CFTR: variants seen among roughly 807,000 people sequenced by gnomAD.
The protein encoded by CFTR is cystic fibrosis transmembrane conductance regulator.
Under a neutral mutation model 171.6 loss-of-function variants are expected in CFTR, and 181 were observed. The ratio of observed to expected loss-of-function variants is 1.05; its 90% CI spans 0.93 to 1.19. CFTR has a LOEUF of 1.19. CFTR is among the 50% of genes most tolerant of loss of function. The pLI is 0.00. For missense variants in CFTR, 1,968 were observed against 1,734.7 expected, an observed-to-expected ratio of 1.13 and a Z score of -2.39; for synonymous variants, 583 against 608.0, an observed-to-expected ratio of 0.96 and a Z score of 0.60.
At position 117,652,940 on chromosome 7, in the gene CFTR, G is replaced by T; in HGVS notation, c.3963+9G>T. The T allele has an allele frequency of 6.4e-7, 1 of 1,550,690 alleles. No homozygotes were observed. Among genetic ancestry groups the T allele is most frequent in the Non-Finnish European group, 8.9e-7 (1 of 1,123,808 alleles). On this transcript the variant is annotated intron_variant, in intron 24 of 26. Coordinates refer to ENST00000003084, the MANE Select transcript of CFTR (RefSeq NM_000492.4). ...GGAAAGTTGCAGATGAGGTAAGGCT[G>T]CTAACTGAAATGATTTTGAAAGGGG...
chr7:117,624,852 A>G (rs981597543), intron 21 of CFTR, among the ~76,000 whole-genome samples: 3 of 152,120 alleles, frequency 2.0e-5, no homozygotes, highest in African/African-American at 7.2e-5. Flanking sequence ...AATGATCCAT[A>G]TCTGACTTGA....
chr7:117,576,597 A>T (rs1466462993), intron 11 of CFTR, among the ~76,000 whole-genome samples: 1 of 152,062 alleles, frequency 6.6e-6, no homozygotes, highest in African/African-American at 2.4e-5. Context: ...TCTACTTTTG[A>T]AATAACAATA....
chr7:117,594,490 A>G (rs1445983903), intron 14 of CFTR, among the ~76,000 whole-genome samples: 2 of 152,216 alleles, frequency 1.3e-5, no homozygotes, highest in African/African-American at 4.8e-5. Flanking sequence ...ATGAGCTTTC[A>G]GTCTATTGGA....
At chr7:117,598,744 CA>C (rs1792177064) in intron 15 of CFTR, among the ~76,000 whole-genome samples, 1 of 152,186 alleles carries the variant, frequency 6.6e-6, no homozygotes, top group Admixed American at 6.5e-5. Flanking sequence ...TCCGACTACT[CA>C]GGGTGTAAAT....
chr7:117,622,028 A>G (rs1433144789), intron 21 of CFTR, among the ~76,000 whole-genome samples: 2 of 152,198 alleles, frequency 1.3e-5, no homozygotes, highest in African/African-American at 4.8e-5. Flanking sequence ...TGTGAAGATC[A>G]CCATCTCTGT....
chr7:117,484,273 A>T (rs1291059991), intron 1 of CFTR, among the ~76,000 whole-genome samples: 1 of 152,220 alleles, frequency 6.6e-6, no homozygotes, highest in Non-Finnish European at 1.5e-5. Context: ...ATAGATGCAT[A>T]AAACAAAGGC....
chr7:117,495,290 C>A (rs1798220228), intron 1 of CFTR, among the ~76,000 whole-genome samples: 1 of 152,082 alleles, frequency 6.6e-6, no homozygotes, highest in Non-Finnish European at 1.5e-5. Flanking sequence ...AAAATCAAAC[C>A]AAAATCCTGG....
At chr7:117,632,785 T>G (rs1211971653) in intron 22 of CFTR, among the ~76,000 whole-genome samples, 1 of 152,152 alleles carries the variant, frequency 6.6e-6, no homozygotes, top group Admixed American at 6.5e-5. Flanking sequence ...CATTTGCCTC[T>G]GCACTGAGGA....
At chr7:117,555,391 A>T (rs1298637259) in intron 10 of CFTR, among the ~76,000 whole-genome samples, 1 of 152,204 alleles carries the variant, frequency 6.6e-6, no homozygotes, top group Non-Finnish European at 1.5e-5. Context: ...AATAATTTGG[A>T]AGCCACTTCC....
intron 15 of CFTR, among the ~76,000 whole-genome samples, 166 bp downstream of exon 15, chr7:117,595,224 T>C (rs1306265071): frequency 6.6e-6 from 1 of 151,532 alleles, no homozygotes; most frequent in Non-Finnish European, 1.5e-5. Context: ...TATATGTATA[T>C]ATTACATATA....
chr7:117,591,463 C>T (rs1296859639), intron 13 of CFTR, among the ~76,000 whole-genome samples: 1 of 151,794 alleles, frequency 6.6e-6, no homozygotes, highest in East Asian at 1.9e-4. Context: ...ACAGATTAGT[C>T]TTAATGTAAA....
Position 117,668,232 on chromosome 7 carries a change from A to G in CFTR, c.*1124A>G, listed in dbSNP as rs1257721104. The G allele has an allele frequency of 1.3e-5, 2 of 152,198 alleles. No homozygotes were observed. The highest frequency in any genetic ancestry group is 2.9e-5 in the Non-Finnish European group (2 of 68,040). 9.4% of individuals were successfully genotyped at this position (152,198 alleles called of 1,614,324 possible). On this transcript the variant is annotated 3_prime_UTR_variant, in exon 27 of 27. Transcript: ENST00000003084. ...GTGAAGCAAAATTTTTTCTCTAGGAAATATTTATTTTAATAATGTTTCAAA... is the reference window on the plus strand; with the variant it reads ...GTGAAGCAAAATTTTTTCTCTAGGAGATATTTATTTTAATAATGTTTCAAA...
rs190784558 is a variant in CFTR, at chr7:117,496,671, T to C, written c.54-7582T>C. On this transcript the variant is annotated intron_variant, in intron 1 of 26. Transcript: ENST00000003084. ...GTTTTTGTGCAGACATCCATTTTCC[T>C]TTCTTTTGGGCATATACCTACGAGT... Among the ~76,000 whole-genome samples, 3 of 152,346 alleles carry C rather than the reference T, an allele frequency of 2.0e-5. No individual in the cohort carries two copies. The East Asian group carries it at 5.8e-4, about 29-fold the overall frequency.
chr7:117,553,625 A>G (rs556265972), intron 10 of CFTR, among the ~76,000 whole-genome samples: 1 of 152,310 alleles, frequency 6.6e-6, no homozygotes, highest in Non-Finnish European at 1.5e-5. Flanking sequence ...ATGTCAATGT[A>G]TTCTTAACTT....
chr7:117,531,928 A>T (rs1798872748), intron 4 of CFTR, among the ~76,000 whole-genome samples: 1 of 152,196 alleles, frequency 6.6e-6, no homozygotes, highest in African/African-American at 2.4e-5. Context: ...TATATGTTAA[A>T]TACTTGGCTT....
chr7:117,486,412 C>T (rs1798074881), intron 1 of CFTR, among the ~76,000 whole-genome samples: 1 of 152,116 alleles, frequency 6.6e-6, no homozygotes, highest in Non-Finnish European at 1.5e-5. Context: ...ACCCAGCTTT[C>T]TCGAGGGCTT....
chr7:117,626,779 GT>G (rs762705720), intron 21 of CFTR, among the ~76,000 whole-genome samples: 12 of 150,994 alleles, frequency 7.9e-5, no homozygotes, highest in Admixed American at 3.3e-4. Flanking sequence ...AGAGATGTAT[GT>G]TTTTTTTAAA....
chr7:117,579,702 C>A (rs1308081946), intron 11 of CFTR, among the ~76,000 whole-genome samples: 1 of 137,452 alleles, frequency 7.3e-6, no homozygotes, highest in Non-Finnish European at 1.6e-5. Flanking sequence ...TGCCAAAAAA[C>A]CTAGCACAGT....
intron 11 of CFTR, among the ~76,000 whole-genome samples, chr7:117,574,026 A>T (rs1366344032): frequency 1.3e-5 from 2 of 152,114 alleles, no homozygotes; most frequent in East Asian, 3.9e-4. Context: ...TAAAAAAATT[A>T]TGATAGCATC....
Sources: allele counts gnomAD v4.1 joint callset (sites outside exome capture counted in the v4.1 genomes callset), GRCh38; gene constraint gnomAD v4.1.1; transcripts MANE v1.5; gene names NCBI Gene and HGNC (gene_info 2026-07-23, HGNC 2026-07-21).